Variants in CLYBL observed in about 807,000 individuals in gnomAD.
CLYBL encodes citramalyl-CoA lyase, mitochondrial.
CLYBL carries 31 observed loss-of-function variants against 38.9 expected under a neutral mutation model. The ratio of observed to expected loss-of-function variants is 0.80; its 90% CI spans 0.60 to 1.08. The LOEUF is 1.08. Ranked by LOEUF, CLYBL falls within the 50% of genes least tolerant of loss-of-function variation. The pLI is 0.00. For synonymous variants in CLYBL, 171 were observed against 158.6 expected, an observed-to-expected ratio of 1.08 and a Z score of -0.59; for missense variants, 434 against 411.6, an observed-to-expected ratio of 1.05 and a Z score of -0.47.
At chr13:99,715,634 A>G (rs1035198793) in intron 1 of CLYBL, among the ~76,000 whole-genome samples, 3 of 152,118 alleles carry the variant, frequency 2.0e-5, no homozygotes, top group African/African-American at 4.8e-5. Flanking sequence ...TGCTGGGATT[A>G]CAGGTATGAA....
chr13:99,740,698 C>T (rs894171690), intron 1 of CLYBL, among the ~76,000 whole-genome samples: 1 of 152,168 alleles, frequency 6.6e-6, no homozygotes, highest in South Asian at 2.1e-4. Flanking sequence ...ACAGGTCGCC[C>T]GTAGACTCTT....
intron 2 of CLYBL, among the ~76,000 whole-genome samples, chr13:99,780,621 C>G (rs1023557738): frequency 6.6e-6 from 1 of 151,728 alleles, no homozygotes; most frequent in African/African-American, 2.4e-5. Context: ...CATGATCTGC[C>G]CGTCTCGGCC....
chr13:99,714,354 C>T (rs1487110988), intron 1 of CLYBL, among the ~76,000 whole-genome samples: 2 of 152,046 alleles, frequency 1.3e-5, no homozygotes, highest in Admixed American at 6.6e-5. Context: ...TGGTGGCTCA[C>T]GCCTGTAATC....
chr13:99,750,874 A>G (rs1047347283), intron 1 of CLYBL, among the ~76,000 whole-genome samples: 3 of 152,174 alleles, frequency 2.0e-5, no homozygotes, highest in African/African-American at 7.2e-5. Flanking sequence ...GTTACTGGAC[A>G]CGGGTACAGC....
chr13:99,694,246 G>A (rs1056105062), intron 1 of CLYBL, among the ~76,000 whole-genome samples: 2 of 152,106 alleles, frequency 1.3e-5, no homozygotes, highest in Non-Finnish European at 2.9e-5. Flanking sequence ...AAAAACCTGG[G>A]GAATCTGATA....
chr13:99,890,522 G>T (rs1009101947), intron 7 of CLYBL, among the ~76,000 whole-genome samples: 2 of 152,144 alleles, frequency 1.3e-5, no homozygotes, highest in Non-Finnish European at 2.9e-5. Context: ...CTGGAGTGCA[G>T]TGGTGTGACC....
intron 1 of CLYBL, among the ~76,000 whole-genome samples, chr13:99,694,568 CACACAT>C (rs2139439107): frequency 6.6e-6 from 1 of 152,310 alleles, no homozygotes; most frequent in African/African-American, 2.4e-5. Context: ...CATTCCGGCT[CACACAT>C]ACCTTTACCT....
At chr13:99,711,564 G>T (rs577598802) in intron 1 of CLYBL, among the ~76,000 whole-genome samples, 1 of 151,190 alleles carries the variant, frequency 6.6e-6, no homozygotes, top group Non-Finnish European at 1.5e-5. Context: ...GCACCACCAC[G>T]CCCGGCTAAT....
At position 99,655,063 on chromosome 13, in the gene CLYBL, T is replaced by C. The variant is rs138174791; in HGVS notation, c.62+48306T>C. Among the ~76,000 whole-genome samples the C allele has an allele frequency of 3.1e-4, 47 of 151,524 alleles. 2 individuals are homozygous for C. The East Asian group carries it at 7.0e-3, about 23-fold the overall frequency. On this transcript the variant is annotated intron_variant, in intron 1 of 8. Coordinates refer to ENST00000339105, the MANE Select transcript of CLYBL (RefSeq NM_206808.5). ...CCATGGGAGTGATGGCCCAGCACTA[T>C]GGTGTTGCATTTCTTTCTTTTTTTT...
At position 99,606,726 on chromosome 13, in the gene CLYBL, C is replaced by A; in HGVS notation, c.31C>A (p.Arg11Ser). MALRLLRRAA[R>S]GAAAAALLRL... is the part of the protein sequence containing the mutation. ...GCTACGTCTGCTGCGGAGGGCGGCG[C>A]GCGGAGCTGCGGCGGCGGCGCTGCT... is the stretch of plus-strand genomic sequence containing the variant. Residue 11 changes from arginine (R) to serine (S), a missense_variant, in exon 1 of 9, where the codon CGC (arginine) becomes AGC (serine). Physicochemically the swap from Arg to Ser is moderately radical, Grantham distance 110. Transcript: ENST00000339105. 6.7e-7 allele frequency: 1 copy of A among 1,490,352 alleles called. No homozygotes were observed. Among genetic ancestry groups the A allele is most frequent in the South Asian group, 1.3e-5 (1 of 78,568 alleles). The allele number at this position is 1,490,352 out of a possible 1,614,324, so 92.3% of individuals were successfully genotyped here.
At chr13:99,790,244 T>C (rs1439470537) in intron 2 of CLYBL, among the ~76,000 whole-genome samples, 2 of 152,204 alleles carry the variant, frequency 1.3e-5, no homozygotes, top group African/African-American at 4.8e-5. Context: ...GTCATTATGA[T>C]GTTAGCTGGT....
intron 2 of CLYBL, among the ~76,000 whole-genome samples, chr13:99,783,052 T>C (rs1190885100): frequency 6.6e-6 from 1 of 151,500 alleles, no homozygotes; most frequent in Non-Finnish European, 1.5e-5. Context: ...TTTGTTTTGC[T>C]TTTTTTTTGA....
intron 1 of CLYBL, among the ~76,000 whole-genome samples, chr13:99,670,185 C>A (rs2047544106): frequency 6.6e-6 from 1 of 151,494 alleles, no homozygotes; most frequent in Admixed American, 6.6e-5. Flanking sequence ...GGTGACAGAG[C>A]AAAACTCCAT....
At chr13:99,768,701 C>T (rs906370019) in intron 1 of CLYBL, among the ~76,000 whole-genome samples, 1 of 151,448 alleles carries the variant, frequency 6.6e-6, no homozygotes, top group Non-Finnish European at 1.5e-5. Flanking sequence ...TTAGTAGAGA[C>T]ATTGTTTCAC....
At chr13:99,871,310 GC>G (rs1160900537) in intron 7 of CLYBL, among the ~76,000 whole-genome samples, 9 of 152,112 alleles carry the variant, frequency 5.9e-5, no homozygotes, top group Non-Finnish European at 1.2e-4. Flanking sequence ...TATATTGGCA[GC>G]CTTAGAGAAA....
intron 2 of CLYBL, among the ~76,000 whole-genome samples, chr13:99,776,046 C>T (rs946427327): frequency 4.6e-5 from 7 of 151,722 alleles, no homozygotes; most frequent in Non-Finnish European, 1.0e-4. Flanking sequence ...CGCCTGCAGT[C>T]CCAGCTACTC....
chr13:99,903,171 A>G lies in CLYBL; in HGVS notation c.*25-2099A>G, dbSNP rs748866802. 2.8e-4 allele frequency among the ~76,000 whole-genome samples: 43 copies of G among 152,374 alleles called. 1 individual carries two copies. The highest frequency in any genetic ancestry group is 9.8e-4 in the Admixed American group (15 of 15,306). On this transcript the variant is annotated intron_variant and NMD_transcript_variant, in intron 8 of 9. Coordinates refer to the CLYBL transcript ENST00000689673. Reference sequence around the variant, plus strand: ...TAAAAACCATCTCCAAAGTTGAACTACATTTTAAAACCTGGCTAGTTCTGG... The same window carrying G: ...TAAAAACCATCTCCAAAGTTGAACTGCATTTTAAAACCTGGCTAGTTCTGG...
chr13:99,714,142 T>A (rs1404099122), intron 1 of CLYBL, among the ~76,000 whole-genome samples: 1 of 152,226 alleles, frequency 6.6e-6, no homozygotes, highest in Non-Finnish European at 1.5e-5. Context: ...ATTTTATTCC[T>A]GTTTTTGCAT....
chr13:99,904,325 T>C (rs1199716913), intron 8 of CLYBL, among the ~76,000 whole-genome samples: 1 of 152,168 alleles, frequency 6.6e-6, no homozygotes, highest in African/African-American at 2.4e-5. Flanking sequence ...CCCCTTCCAT[T>C]TGCAGTCAAA....
Sources: gnomAD v4.1 joint callset for allele counts (sites outside exome capture counted in the v4.1 genomes callset) on GRCh38, gnomAD v4.1.1 for gene constraint, MANE v1.5 for transcripts, NCBI Gene and HGNC (gene_info 2026-07-23, HGNC 2026-07-21) for gene names.